The following HHLA1 variants were observed in gnomAD, a reference collection of about 807,000 sequenced individuals.
HHLA1 encodes the protein HHLA1 neighbor of OC90, also known as HERV-H LTR-associating protein 1.
HHLA1 carries 72 observed loss-of-function variants against 69.9 expected under a neutral mutation model. The ratio of observed to expected loss-of-function variants is 1.03; its 90% CI spans 0.85 to 1.25. The LOEUF is 1.25. Ranked by LOEUF, HHLA1 falls within the 50% of genes most tolerant of loss-of-function variation. HHLA1 has a pLI of 0.00. For synonymous variants in HHLA1, 252 were observed against 233.2 expected (o/e 1.08, Z -0.73); for missense variants, 685 against 642.2 (o/e 1.07, Z -0.72).
At chr8:132,090,837 C>A (rs1439565681) in intron 7 of HHLA1, among the ~76,000 whole-genome samples, 3 of 149,572 alleles carry the variant, frequency 2.0e-5, no homozygotes, top group Non-Finnish European at 3.0e-5. Context: ...CGGCTCACTG[C>A]AAGTTCCGCC....
rs539024436 is a variant in HHLA1 at position 132,099,846 on chromosome 8, C to T, written c.199+229G>A. Among the ~76,000 whole-genome samples, 46 of 150,614 alleles carry T rather than the reference C, an allele frequency of 3.1e-4. No individual in the cohort carries two copies. The South Asian group carries it at 9.4e-3, about 31-fold the overall frequency. ...TCCAGCCTGGGCAACAAGGGTGAAA[C>T]TCCATCTAAAAAAAAAAAAAGATTT... On this transcript the variant is annotated intron_variant, in intron 4 of 16. Coordinates refer to ENST00000414222, the MANE Select transcript of HHLA1 (RefSeq NM_001145095.3).
chr8:132,100,623 A>T (rs1439244695), intron 3 of HHLA1, among the ~76,000 whole-genome samples: 2 of 152,238 alleles, frequency 1.3e-5, no homozygotes, highest in East Asian at 3.9e-4. Flanking sequence ...TCATTGGTTC[A>T]TTCAACAAAT....
chr8:132,091,266 A>G (rs994484391), intron 7 of HHLA1, among the ~76,000 whole-genome samples: 1 of 152,238 alleles, frequency 6.6e-6, no homozygotes, highest in Non-Finnish European at 1.5e-5. Flanking sequence ...AAACAGACCA[A>G]TAAAATGCAA....
In HHLA1 at chr8:132,095,782, G is replaced by A. The variant is rs201357335; in HGVS notation, c.285C>T (p.Ser95=). The change falls in exon 6 of 17, where the codon AGC becomes AGT. Residue 95 remains serine (S), a synonymous_variant. Coordinates refer to ENST00000414222, the MANE Select transcript of HHLA1 (RefSeq NM_001145095.3). The part of the protein sequence containing the change: ...NGMLSRALKD[S]KKFFSLLSVT... ...CACTCAGCAAGGAGAAGAACTTCTTGCTATCTGCCAAAACATACCAGATAA... is the reference window on the plus strand; with the variant it reads ...CACTCAGCAAGGAGAAGAACTTCTTACTATCTGCCAAAACATACCAGATAA... The A allele has an allele frequency of 1.9e-6, 3 of 1,549,266 alleles. No homozygotes were observed. The highest frequency in any genetic ancestry group is 2.4e-5 in the South Asian group (2 of 83,830).
At chr8:132,072,525 G>C (rs1353850410) in intron 14 of HHLA1, among the ~76,000 whole-genome samples, 1 of 152,096 alleles carries the variant, frequency 6.6e-6, no homozygotes, top group Non-Finnish European at 1.5e-5. Flanking sequence ...AGAAGAAAAA[G>C]GGCCTTCCTC....
chr8:132,072,840 T>C (rs1823571018), intron 14 of HHLA1, among the ~76,000 whole-genome samples: 1 of 152,206 alleles, frequency 6.6e-6, no homozygotes, highest in Admixed American at 6.5e-5. Context: ...GCAATGCTAA[T>C]TATTTCTGTC....
intron 1 of HHLA1, among the ~76,000 whole-genome samples, chr8:132,109,522 G>A (rs962983841): frequency 6.6e-6 from 1 of 152,166 alleles, no homozygotes; most frequent in Non-Finnish European, 1.5e-5. Flanking sequence ...ACAGGAAACA[G>A]GGGTTTCATC....
intron 5 of HHLA1, among the ~76,000 whole-genome samples, chr8:132,098,002 T>C (rs542060395): frequency 6.6e-6 from 1 of 152,350 alleles, no homozygotes; most frequent in East Asian, 1.9e-4. Context: ...ATGTTTATTG[T>C]TTGTTTTTGG....
rs530641966 is a variant in HHLA1 at position 132,106,027 on chromosome 8, G to A, written c.-21-741C>T. On this transcript the variant is annotated intron_variant, in intron 1 of 16. Coordinates refer to ENST00000414222, the MANE Select transcript of HHLA1 (RefSeq NM_001145095.3). ...TTGAATAATGGCTAACATTTATTGAGCACTTTCTGTGTGCCAGATGCCACA... is the reference window on the plus strand; with the variant it reads ...TTGAATAATGGCTAACATTTATTGAACACTTTCTGTGTGCCAGATGCCACA... 3.9e-5 allele frequency among the ~76,000 whole-genome samples: 6 copies of A among 152,264 alleles called. No individual in the cohort carries two copies. The East Asian group carries it at 1.2e-3, about 29-fold the overall frequency.
At chr8:132,097,117 A>G (rs561324089) in intron 5 of HHLA1, among the ~76,000 whole-genome samples, 63 of 152,282 alleles carry the variant, frequency 4.1e-4, no homozygotes, top group African/African-American at 1.4e-3. Context: ...GGAGACCCCA[A>G]TGCCATACAC....
At chr8:132,066,334 C>T (rs1823439036) in intron 15 of HHLA1, among the ~76,000 whole-genome samples, 1 of 152,200 alleles carries the variant, frequency 6.6e-6, no homozygotes, top group African/African-American at 2.4e-5. Context: ...TGTAAAGTTC[C>T]TGAACAGTAC....
intron 3 of HHLA1, chr8:132,101,316 A>G (rs1442426589): frequency 1.3e-6 from 2 of 1,543,038 alleles, no homozygotes; most frequent in Admixed American, 2.0e-5. Flanking sequence ...ACCTGAAAGT[A>G]CAGCCTCAAA....
intron 1 of HHLA1, 35 bp from the exon 2 acceptor site, chr8:132,105,321 G>T: frequency 7.9e-7 from 1 of 1,273,518 alleles, no homozygotes; most frequent in Non-Finnish European, 1.1e-6. Context: ...AGGAAACTAA[G>T]CACATGGATG....
At position 132,106,494 on chromosome 8, in the gene HHLA1, A is replaced by G. The variant is rs113329396; in HGVS notation, c.-21-1208T>C. Among the ~76,000 whole-genome samples the G allele has an allele frequency of 4.8e-3, 736 of 152,324 alleles. 8 individuals carry two copies. The highest frequency in any genetic ancestry group is 0.017 in the African/African-American group (709 of 41,570). On this transcript the variant is annotated intron_variant, in intron 1 of 16. Transcript: ENST00000414222. ...TTCACCTATTCTCATAAGTCTGGTTACTCTCTGAATACCAATTTTCCTCAT... is the reference window on the plus strand; with the variant it reads ...TTCACCTATTCTCATAAGTCTGGTTGCTCTCTGAATACCAATTTTCCTCAT...
intron 10 of HHLA1, among the ~76,000 whole-genome samples, chr8:132,082,046 G>A (rs1325797626): frequency 6.6e-6 from 1 of 152,140 alleles, no homozygotes; most frequent in East Asian, 1.9e-4. Context: ...TGGGGTGAAT[G>A]TCAGGTGGAT....
At position 132,105,171 on chromosome 8, in the gene HHLA1, C is replaced by T. The variant is rs201199760; in HGVS notation, c.79+16G>A. 1.3e-6 allele frequency: 2 copies of T among 1,543,510 alleles called. No individual in the cohort carries two copies. The highest frequency in any genetic ancestry group is 2.0e-5 in the Admixed American group (1 of 51,000). On this transcript the variant is annotated intron_variant, in intron 2 of 16. Coordinates refer to ENST00000414222, the MANE Select transcript of HHLA1 (RefSeq NM_001145095.3). ...TTATACAGAACAGACACTTGCAGAACTCCAGCTAGACCCACCTGTGTTCCA... is the reference window on the plus strand; with the variant it reads ...TTATACAGAACAGACACTTGCAGAATTCCAGCTAGACCCACCTGTGTTCCA...
At chr8:132,083,392 C>A (rs1396327914) in intron 10 of HHLA1, among the ~76,000 whole-genome samples, 2 of 150,840 alleles carry the variant, frequency 1.3e-5, no homozygotes, top group African/African-American at 4.9e-5. Flanking sequence ...GGGTAGCCTC[C>A]GTATTGATTA....
At chr8:132,075,800 AC>A (rs1563741587) in intron 14 of HHLA1, among the ~76,000 whole-genome samples, 1 of 152,140 alleles carries the variant, frequency 6.6e-6, no homozygotes, top group South Asian at 2.1e-4. Context: ...TTAATACAAA[AC>A]CTTGTGGGAA....
At chr8:132,077,296 AG>A (rs1396552857) in intron 12 of HHLA1, among the ~76,000 whole-genome samples, 1 of 152,140 alleles carries the variant, frequency 6.6e-6, no homozygotes, top group Non-Finnish European at 1.5e-5. Flanking sequence ...GCATACATAA[AG>A]ATCAGGAGAT....
Sources: gnomAD v4.1 joint callset for allele counts (sites outside exome capture counted in the v4.1 genomes callset) on GRCh38, gnomAD v4.1.1 for gene constraint, MANE v1.5 for transcripts, NCBI Gene and HGNC (gene_info 2026-07-23, HGNC 2026-07-21) for gene names.